PHACTR4: variants seen among roughly 807,000 people sequenced by gnomAD.
PHACTR4 encodes protein phosphatase 1, regulatory subunit 124.
In PHACTR4, 51 loss-of-function variants were observed where a neutral mutation model predicts 72.7. The ratio of observed to expected loss-of-function variants is 0.70; its 90% confidence interval spans 0.56 to 0.89. The LOEUF (loss-of-function observed/expected upper bound fraction) is 0.89. Ranked by LOEUF, PHACTR4 falls within the 40% of genes least tolerant of loss-of-function variation. The pLI is 0.00. For missense variants in PHACTR4, 731 were observed against 861.8 expected (o/e 0.85, Z 1.90); for synonymous variants, 255 against 302.5 (o/e 0.84, Z 1.63).
At chr1:28,481,087 A>G (rs1660251151) in intron 9 of PHACTR4, among the ~76,000 whole-genome samples, 2 of 151,826 alleles carry the variant, frequency 1.3e-5, no homozygotes, top group South Asian at 4.2e-4. Context: ...GCTGGAGTGC[A>G]GTGGTTCAAT....
At chr1:28,432,931 A>C (rs1656373546) in intron 2 of PHACTR4, 1 of 181,956 alleles carries the variant, frequency 5.5e-6, no homozygotes, top group African/African-American at 2.4e-5. Flanking sequence ...TTTTTTGTAG[A>C]GATGGGGTTT....
intron 4 of PHACTR4, among the ~76,000 whole-genome samples, chr1:28,464,844 C>T (rs1659035277): frequency 2.0e-5 from 3 of 152,130 alleles, no homozygotes; most frequent in South Asian, 4.2e-4. Flanking sequence ...GCTGGGATTA[C>T]AGGCGCTTGC....
intron 8 of PHACTR4, among the ~76,000 whole-genome samples, chr1:28,478,958 C>T (rs1660095130): frequency 6.6e-6 from 1 of 152,138 alleles, no homozygotes; most frequent in African/African-American, 2.4e-5. Flanking sequence ...ATAGTGTTTT[C>T]CACAATGGCT....
At chr1:28,472,268 A>T (rs1659609801) in intron 6 of PHACTR4, among the ~76,000 whole-genome samples, 1 of 152,032 alleles carries the variant, frequency 6.6e-6, no homozygotes, top group African/African-American at 2.4e-5. Flanking sequence ...CTTGGATACC[A>T]GCTGAGTCCA....
chr1:28,416,165 G>A (rs913798420), intron 2 of PHACTR4, among the ~76,000 whole-genome samples: 1 of 152,130 alleles, frequency 6.6e-6, no homozygotes, highest in Non-Finnish European at 1.5e-5. Flanking sequence ...TCAGGGTGTA[G>A]GAGTTAAATT....
intron 1 of PHACTR4, among the ~76,000 whole-genome samples, chr1:28,371,449 C>T (rs920423097): frequency 1.3e-5 from 2 of 152,052 alleles, no homozygotes; most frequent in Non-Finnish European, 2.9e-5. Context: ...TGTGTGCCAC[C>T]ATGCCCAGCT....
chr1:28,398,862 AAAG>A (rs1190877037), intron 1 of PHACTR4, among the ~76,000 whole-genome samples: 1 of 151,976 alleles, frequency 6.6e-6, no homozygotes, highest in Non-Finnish European at 1.5e-5. Flanking sequence ...TGATATTCAA[AAAG>A]AAGCACTTTT....
intron 1 of PHACTR4, among the ~76,000 whole-genome samples, chr1:28,376,730 G>A (rs1367159816): frequency 3.3e-5 from 5 of 151,688 alleles, no homozygotes; most frequent in Non-Finnish European, 5.9e-5. Context: ...TCCACCTCCC[G>A]GGTTCACGCC....
intron 2 of PHACTR4, among the ~76,000 whole-genome samples, chr1:28,412,796 C>G (rs939292287): frequency 3.9e-5 from 6 of 152,194 alleles, no homozygotes; most frequent in African/African-American, 1.4e-4. Context: ...CCTAGAGGCC[C>G]TTCTATGGAA....
chr1:28,489,130 G>A, intron 9 of PHACTR4, 40 bp from the exon 10 acceptor site: 4 of 1,550,228 alleles, frequency 2.6e-6, no homozygotes, highest in Non-Finnish European at 3.5e-6. Context: ...AAGATTGGGA[G>A]GTTTAACATA....
chr1:28,375,263 C>T (rs1054811412), intron 1 of PHACTR4, among the ~76,000 whole-genome samples: 1 of 151,990 alleles, frequency 6.6e-6, no homozygotes, highest in African/African-American at 2.4e-5. Flanking sequence ...TGTGCCACTG[C>T]ACTTCAGCCG....
At chr1:28,405,072 CTGTAGGGCTAAAAATGAGA>C (rs1654223647) in intron 1 of PHACTR4, among the ~76,000 whole-genome samples, 1 of 152,042 alleles carries the variant, frequency 6.6e-6, no homozygotes, top group Non-Finnish European at 1.5e-5. Context: ...TTTGCATTTC[CTGTAGGGCTAAAAATGAGA>C]TGTTGAAGAT....
chr1:28,407,441 T>C lies in PHACTR4; in HGVS notation c.-7T>C. On this transcript the variant is annotated 5_prime_UTR_variant, in exon 2 of 14. Coordinates refer to ENST00000373839, the MANE Select transcript of PHACTR4 (RefSeq NM_001048183.3). ...TATCTCACCTCCCTAAACTGGTTAA[T>C]AGTGGCATGGAAGATCCATTTGGTG... 1 of 1,607,356 alleles carries C rather than the reference T, an allele frequency of 6.2e-7. No individual in the cohort carries two copies. Among genetic ancestry groups the C allele is most frequent in the Non-Finnish European group, 8.5e-7 (1 of 1,174,726 alleles).
intron 11 of PHACTR4, 112 bp from the exon 12 acceptor site, chr1:28,491,538 G>A: frequency 7.0e-7 from 1 of 1,434,608 alleles, no homozygotes; most frequent in South Asian, 1.2e-5. Context: ...AGTGTCTAAA[G>A]CTCCCCCAGG....
At chr1:28,385,405 A>G (rs1652479708) in intron 1 of PHACTR4, among the ~76,000 whole-genome samples, 1 of 151,794 alleles carries the variant, frequency 6.6e-6, no homozygotes, top group African/African-American at 2.4e-5. Flanking sequence ...TTAGCCAGGC[A>G]TGGTGGTGCA....
At chr1:28,422,311 G>A (rs913911574) in intron 2 of PHACTR4, among the ~76,000 whole-genome samples, 1 of 152,094 alleles carries the variant, frequency 6.6e-6, no homozygotes. Flanking sequence ...AAATGATAAT[G>A]CAATTTTTAA....
intron 6 of PHACTR4, among the ~76,000 whole-genome samples, chr1:28,468,147 C>T (rs557648364): frequency 2.0e-5 from 3 of 152,260 alleles, no homozygotes; most frequent in Admixed American, 1.3e-4. Flanking sequence ...TTATTACCAC[C>T]ACTTTGGATG....
chr1:28,447,002 T>TTTTATTTATTTATTTATTTATTTA (rs760091619), intron 2 of PHACTR4, among the ~76,000 whole-genome samples: 184 of 150,710 alleles, frequency 1.2e-3, no homozygotes, highest in African/African-American at 4.4e-3. Flanking sequence ...AGGTATTTCT[T>TTTTATTTATTTATTTATTTATTTA]TTTATTTATT....
Position 28,465,694 on chromosome 1 carries a change from A to T in PHACTR4, c.281A>T (p.Asp94Val). ...TTCTTTCACCTTGCAGGTGGTGAGG[A>T]TCCAGGAAAGCCAAGCGATGCCATG... Reference protein sequence around the residue: ...LLEDPEQGGEDPGKPSDAMLK... With the variant: ...LLEDPEQGGEVPGKPSDAMLK... Residue 94 changes from aspartate to valine, a missense_variant, in exon 5 of 14, where the codon GAT becomes GTT. By Grantham distance (152) the Asp-to-Val change is radical. Coordinates refer to ENST00000373839, the MANE Select transcript of PHACTR4 (RefSeq NM_001048183.3). The T allele has an allele frequency of 1.2e-6, 2 of 1,613,336 alleles. No homozygotes were observed. The highest frequency in any genetic ancestry group is 1.7e-6 in the Non-Finnish European group (2 of 1,179,718).
Sources: allele counts gnomAD v4.1 joint callset (sites outside exome capture counted in the v4.1 genomes callset), GRCh38; gene constraint gnomAD v4.1.1; transcripts MANE v1.5; gene names NCBI Gene and HGNC (gene_info 2026-07-23, HGNC 2026-07-21).